The following ZBTB16 variants were observed in gnomAD, a reference collection of about 807,000 sequenced individuals.
ZBTB16 encodes zinc finger and BTB domain-containing protein 16.
ZBTB16 carries 8 observed loss-of-function variants against 56.8 expected under a neutral mutation model. The observed-to-expected ratio is 0.14, with a 90% CI of 0.08 to 0.25. ZBTB16 has a LOEUF of 0.25. ZBTB16 is among the 10% of genes least tolerant of loss of function. The probability of loss-of-function intolerance (pLI) is 1.00; values close to 1 mark genes in which losing one functional copy is unlikely to be tolerated. For synonymous variants in ZBTB16, 363 were observed against 368.5 expected (o/e 0.98, Z 0.17); for missense variants, 625 against 903.0 (o/e 0.69, Z 3.95).
In ZBTB16 at chr11:114,247,111, C is replaced by T. The variant is rs193302414; in HGVS notation, c.1625-87C>T. On this transcript the variant is annotated intron_variant, in intron 5 of 6. Transcript: ENST00000335953. ...AGGTGGTGAATACAGGCCGTCGCAT[C>T]CTTCTCATGCACAGAATGTGCCCTA... The T allele has an allele frequency of 9.6e-5, 153 of 1,588,964 alleles. No homozygotes were observed. The African/African-American group carries it at 1.8e-3, about 18-fold the overall frequency.
intron 4 of ZBTB16, among the ~76,000 whole-genome samples, chr11:114,232,753 G>T (rs1448368798): frequency 1.3e-5 from 2 of 150,100 alleles, no homozygotes; most frequent in Non-Finnish European, 3.0e-5. Flanking sequence ...GGGCCCCCGT[G>T]GTGCCAGGGC....
At chr11:114,148,262 C>T (rs536139020) in intron 2 of ZBTB16, among the ~76,000 whole-genome samples, 1 of 152,052 alleles carries the variant, frequency 6.6e-6, no homozygotes, top group Admixed American at 6.5e-5. Flanking sequence ...GGACAGTTCC[C>T]TCCACTCTTC....
At chr11:114,238,014 ACAT>A (rs1944628155) in intron 4 of ZBTB16, among the ~76,000 whole-genome samples, 1 of 152,128 alleles carries the variant, frequency 6.6e-6, no homozygotes, top group Non-Finnish European at 1.5e-5. Context: ...CACTGTAGGG[ACAT>A]CATAGTGTTT....
rs1462036538 is a variant in ZBTB16 at position 114,254,125 on chromosome 11, C to T, written c.*3570C>T. ...CTCTTTCCCTATTCACTCCTTCACT[C>T]ATTCAAAGCATTAAAATCCTATGTA... On this transcript the variant is annotated 3_prime_UTR_variant, in exon 7 of 7. Coordinates refer to ENST00000335953, the MANE Select transcript of ZBTB16 (RefSeq NM_006006.6). 1.3e-5 allele frequency among the ~76,000 whole-genome samples: 2 copies of T among 152,076 alleles called. No individual in the cohort carries two copies. The highest frequency in any genetic ancestry group is 4.8e-5 in the African/African-American group (2 of 41,394).
chr11:114,139,980 G>A (rs1047536972), intron 2 of ZBTB16, among the ~76,000 whole-genome samples: 4 of 152,108 alleles, frequency 2.6e-5, no homozygotes, highest in African/African-American at 9.7e-5. Context: ...TAATCCTCAT[G>A]CCCCCTTCCG....
intron 2 of ZBTB16, among the ~76,000 whole-genome samples, chr11:114,114,510 G>A (rs1941112512): frequency 6.6e-6 from 1 of 152,112 alleles, no homozygotes; most frequent in Non-Finnish European, 1.5e-5. Context: ...CATAGTGTTT[G>A]TAAAAAGAGT....
chr11:114,238,421 G>A (rs1042256175), intron 4 of ZBTB16, among the ~76,000 whole-genome samples: 2 of 151,862 alleles, frequency 1.3e-5, no homozygotes, highest in African/African-American at 4.8e-5. Flanking sequence ...TGGGGTGCCA[G>A]CATGTTCAGG....
At chr11:114,123,316 C>T (rs1327379370) in intron 2 of ZBTB16, among the ~76,000 whole-genome samples, 1 of 152,112 alleles carries the variant, frequency 6.6e-6, no homozygotes, top group Non-Finnish European at 1.5e-5. Flanking sequence ...ATCTCATTGG[C>T]TCCCCCAGAA....
At chr11:114,079,954 T>C (rs1027745884) in intron 2 of ZBTB16, among the ~76,000 whole-genome samples, 1 of 152,188 alleles carries the variant, frequency 6.6e-6, no homozygotes, top group Non-Finnish European at 1.5e-5. Context: ...TGGTTTGGCC[T>C]CCTGTGAGTT....
intron 4 of ZBTB16, among the ~76,000 whole-genome samples, chr11:114,214,605 T>C (rs1253519522): frequency 1.3e-5 from 2 of 152,042 alleles, no homozygotes; most frequent in Non-Finnish European, 2.9e-5. Flanking sequence ...TTTTGGCTTT[T>C]TTGTTGTTGT....
chr11:114,105,742 ACAGTCT>A (rs1248231239), intron 2 of ZBTB16, among the ~76,000 whole-genome samples: 1 of 152,112 alleles, frequency 6.6e-6, no homozygotes, highest in Non-Finnish European at 1.5e-5. Flanking sequence ...TCTTATCCTA[ACAGTCT>A]CATAGGTAAA....
At chr11:114,188,673 G>A (rs1453389085) in intron 4 of ZBTB16, 3 of 152,208 alleles carry the variant, frequency 2.0e-5, no homozygotes, top group Non-Finnish European at 2.9e-5. Flanking sequence ...AGTAATGCAT[G>A]AGACAGACGA....
At chr11:114,082,816 G>T (rs1939815864) in intron 2 of ZBTB16, among the ~76,000 whole-genome samples, 1 of 152,076 alleles carries the variant, frequency 6.6e-6, no homozygotes, top group South Asian at 2.1e-4. Context: ...CTCTGAAGCT[G>T]GTCTGCCGGA....
chr11:114,142,430 C>T (rs1259459827), intron 2 of ZBTB16, among the ~76,000 whole-genome samples: 1 of 152,216 alleles, frequency 6.6e-6, no homozygotes, highest in East Asian at 1.9e-4. Flanking sequence ...CTCAATAACA[C>T]AGGCCTGTAA....
At chr11:114,074,612 A>G (rs1210087082) in intron 2 of ZBTB16, among the ~76,000 whole-genome samples, 2 of 152,108 alleles carry the variant, frequency 1.3e-5, no homozygotes, top group African/African-American at 4.8e-5. Context: ...TTGCCGATGT[A>G]CCTTATTAGT....
intron 2 of ZBTB16, among the ~76,000 whole-genome samples, chr11:114,098,009 T>C (rs1238290889): frequency 2.0e-5 from 3 of 152,240 alleles, no homozygotes; most frequent in Admixed American, 6.5e-5. Flanking sequence ...AGAGGTTTTC[T>C]ATTCACCATC....
At chr11:114,081,339 G>A (rs12292550) in intron 2 of ZBTB16, among the ~76,000 whole-genome samples, 14,918 of 152,158 alleles carry the variant, frequency 0.098, 2,458 homozygotes, top group African/African-American at 0.34. Flanking sequence ...TGGGGGTTTT[G>A]AGACCCAAAG....
intron 3 of ZBTB16, among the ~76,000 whole-genome samples, chr11:114,163,197 C>T (rs1320042337): frequency 1.1e-5 from 1 of 89,370 alleles, no homozygotes; most frequent in Non-Finnish European, 2.1e-5. Context: ...GTCCTCAGTC[C>T]CCCCCCAACC....
chr11:114,101,950 A>C (rs1940623333), intron 2 of ZBTB16, among the ~76,000 whole-genome samples: 1 of 152,192 alleles, frequency 6.6e-6, no homozygotes, highest in African/African-American at 2.4e-5. Flanking sequence ...AGTGGCTTTT[A>C]ATTTCTTTAT....
Sources: allele counts gnomAD v4.1 joint callset (sites outside exome capture counted in the v4.1 genomes callset), GRCh38; gene constraint gnomAD v4.1.1; transcripts MANE v1.5; gene names NCBI Gene and HGNC (gene_info 2026-07-23, HGNC 2026-07-21).